Variants in TNRC6B observed in about 807,000 individuals in gnomAD.
TNRC6B encodes the protein trinucleotide repeat-containing gene 6B protein.
TNRC6B carries 52 observed loss-of-function variants against 203.6 expected under a neutral mutation model. The ratio of observed to expected loss-of-function variants is 0.26; its 90% CI spans 0.20 to 0.32. The LOEUF (loss-of-function observed/expected upper bound fraction) is 0.32, where lower values mean the gene tolerates loss of function less well. TNRC6B is among the 10% of genes least tolerant of loss of function. The pLI is 1.00. For synonymous variants in TNRC6B, 838 were observed against 845.7 expected (o/e 0.99, Z 0.16); for missense variants, 1,923 against 2,286.2 (o/e 0.84, Z 3.24).
intron 1 of TNRC6B, among the ~76,000 whole-genome samples, chr22:40,219,874 C>T (rs974532744): frequency 1.3e-5 from 2 of 152,110 alleles, no homozygotes; most frequent in African/African-American, 4.8e-5. Flanking sequence ...TGGTTTAATG[C>T]CTGTTCCCTT....
rs566745583 is a variant in TNRC6B at position 40,143,718 on chromosome 22, G to C, written c.46-12397G>C. ...TCACCGTGTTAGCCAGGATGGTCTC[G>C]ATCTCCTGACCTCGTGATCCGCCCG... On this transcript the variant is annotated intron_variant, in intron 3 of 23. Transcript: ENST00000301923. 2.2e-4 allele frequency among the ~76,000 whole-genome samples: 34 copies of C among 152,222 alleles called. No individual in the cohort carries two copies. The Middle Eastern group carries it at 0.01, about 46-fold the overall frequency.
intron 1 of TNRC6B, among the ~76,000 whole-genome samples, chr22:40,197,508 C>CA (rs1242206162): frequency 2.6e-5 from 4 of 151,836 alleles, no homozygotes; most frequent in African/African-American, 9.7e-5. Context: ...AGGCTGTTCT[C>CA]AAACTCCTGA....
At chr22:40,268,853 A>C (rs910510093) in intron 5 of TNRC6B, among the ~76,000 whole-genome samples, 2 of 151,694 alleles carry the variant, frequency 1.3e-5, no homozygotes, top group African/African-American at 2.4e-5. Context: ...TGGAGCTTGC[A>C]AGTGAGCTGA....
chr22:40,181,012 G>A (rs576048602), intron 1 of TNRC6B, among the ~76,000 whole-genome samples: 4 of 152,222 alleles, frequency 2.6e-5, no homozygotes, highest in South Asian at 2.1e-4. Flanking sequence ...AATTGGTAGC[G>A]TTCATCAGAA....
chr22:40,179,746 G>A (rs980427298), intron 1 of TNRC6B, among the ~76,000 whole-genome samples: 7 of 152,212 alleles, frequency 4.6e-5, no homozygotes, highest in Non-Finnish European at 1.5e-5. Flanking sequence ...GGAAGAGGGT[G>A]TGTGGTGCTT....
At chr22:40,130,402 T>C (rs754394977) in intron 3 of TNRC6B, among the ~76,000 whole-genome samples, 17 of 152,194 alleles carry the variant, frequency 1.1e-4, no homozygotes, top group Non-Finnish European at 2.2e-4. Flanking sequence ...GAGTACACAG[T>C]TGAAGACTTG....
intron 1 of TNRC6B, among the ~76,000 whole-genome samples, chr22:40,068,988 A>G (rs952404573): frequency 1.3e-5 from 2 of 152,134 alleles, no homozygotes; most frequent in Non-Finnish European, 2.9e-5. Context: ...TTCCATACAT[A>G]CTATTTTTAT....
intron 4 of TNRC6B, among the ~76,000 whole-genome samples, chr22:40,263,569 T>C (rs4821940): frequency 0.46 from 69,353 of 152,088 alleles, 17,346 homozygotes; most frequent in South Asian, 0.73. Flanking sequence ...TTTTTATTTT[T>C]CTATGCCTCC....
chr22:40,126,511 T>C (rs2068494423), intron 3 of TNRC6B, among the ~76,000 whole-genome samples: 1 of 152,032 alleles, frequency 6.6e-6, no homozygotes, highest in South Asian at 2.1e-4. Context: ...TGGTTTTCTG[T>C]TTCTGTGTTA....
At chr22:40,203,296 A>G (rs554017259) in intron 1 of TNRC6B, among the ~76,000 whole-genome samples, 1 of 152,054 alleles carries the variant, frequency 6.6e-6, no homozygotes, top group African/African-American at 2.4e-5. Flanking sequence ...CCACCCCCTT[A>G]ATGGATTCCC....
intron 1 of TNRC6B, among the ~76,000 whole-genome samples, chr22:40,202,740 G>C (rs866805720): frequency 6.6e-6 from 1 of 152,100 alleles, no homozygotes; most frequent in South Asian, 2.1e-4. Flanking sequence ...TGTGTCGAGT[G>C]CCTGCTGGAA....
intron 1 of TNRC6B, among the ~76,000 whole-genome samples, chr22:40,182,958 T>C (rs2069153342): frequency 6.6e-6 from 1 of 152,200 alleles, no homozygotes; most frequent in South Asian, 2.1e-4. Context: ...ACTCCTAAAT[T>C]GTATCACCAT....
intron 12 of TNRC6B, among the ~76,000 whole-genome samples, chr22:40,297,096 T>C (rs1300368978): frequency 6.6e-6 from 1 of 152,254 alleles, no homozygotes; most frequent in Non-Finnish European, 1.5e-5. Context: ...CAAGTTTTCA[T>C]ACATTCCCTT....
chr22:40,049,110 G>A (rs1279678033), intron 1 of TNRC6B, among the ~76,000 whole-genome samples: 4 of 152,124 alleles, frequency 2.6e-5, no homozygotes, highest in African/African-American at 4.8e-5. Context: ...GGCTGGGCGC[G>A]GTGGCTAACA....
Position 40,270,145 on chromosome 22 carries a change from G to T in TNRC6B, c.2830G>T (p.Ala944Ser). 1 of 1,587,558 alleles carries T rather than the reference G, an allele frequency of 6.3e-7. No individual in the cohort carries two copies. Among genetic ancestry groups the T allele is most frequent in the South Asian group, 1.2e-5 (1 of 86,856 alleles). ...AGTCTGGAGCAAAAGCACACCACCT[G>T]CTCCAGATAATGGTACTTCCGCTTG... Reference protein sequence around the residue: ...ASVWSKSTPPAPDNGTSAWGE... With the variant: ...ASVWSKSTPPSPDNGTSAWGE... Residue 944 changes from alanine to serine, a missense_variant, in exon 6 of 23, where the codon GCT (alanine) becomes TCT (serine). By Grantham distance (99) the Ala-to-Ser change is moderately conservative. This residue lies in a region of TNRC6B where 599 missense variants were observed against 656.5 expected (regional missense o/e 0.91). Transcript: ENST00000454349.
chr22:40,180,713 T>C (rs919674942), intron 1 of TNRC6B, among the ~76,000 whole-genome samples: 1 of 152,212 alleles, frequency 6.6e-6, no homozygotes, highest in Non-Finnish European at 1.5e-5. Flanking sequence ...GAAGTTTTCT[T>C]TCTGTGAGTA....
chr22:40,051,389 C>G (rs145907931), intron 1 of TNRC6B, among the ~76,000 whole-genome samples: 37 of 152,318 alleles, frequency 2.4e-4, no homozygotes, highest in African/African-American at 8.4e-4. Context: ...GTTATTCTTC[C>G]GTATTTCAAC....
intron 4 of TNRC6B, among the ~76,000 whole-genome samples, chr22:40,157,956 C>T (rs1230084825): frequency 6.6e-6 from 1 of 152,190 alleles, no homozygotes; most frequent in Non-Finnish European, 1.5e-5. Context: ...TACCGACTCT[C>T]TCACACCCTT....
chr22:40,191,874 C>G (rs1303362877), intron 1 of TNRC6B, among the ~76,000 whole-genome samples: 1 of 152,232 alleles, frequency 6.6e-6, no homozygotes, highest in Non-Finnish European at 1.5e-5. Flanking sequence ...CCTCAGCCTC[C>G]CCAGTAGCTG....
Sources: allele counts gnomAD v4.1 joint callset (sites outside exome capture counted in the v4.1 genomes callset), GRCh38; gene constraint gnomAD v4.1.1; regional missense constraint gnomAD v4.1.1; transcripts MANE v1.5; gene names NCBI Gene and HGNC (gene_info 2026-07-23, HGNC 2026-07-21).